Variants in PCDH15 observed in about 807,000 individuals in gnomAD.
PCDH15 encodes protocadherin related 15, also known as protocadherin-15.
PCDH15 carries 129 observed loss-of-function variants against 178.5 expected under a neutral mutation model. That is an observed-to-expected ratio of 0.72 (90% CI 0.63 to 0.84). PCDH15 has a LOEUF of 0.84. Among genes scored for constraint, PCDH15 ranks in the 40% least tolerant of loss-of-function variants. The pLI, the probability that PCDH15 is intolerant of heterozygous loss-of-function variation, is 0.00. For synonymous variants in PCDH15, 800 were observed against 732.0 expected (o/e 1.09, Z -1.50); for missense variants, 2,230 against 2,099.9 (o/e 1.06, Z -1.21).
intron 2 of PCDH15, among the ~76,000 whole-genome samples, chr10:55,127,375 T>G (rs762130168): frequency 6.6e-6 from 1 of 152,044 alleles, no homozygotes; most frequent in Non-Finnish European, 1.5e-5. Flanking sequence ...AACCAACTGG[T>G]TTATTTATGC....
At chr10:54,752,343 G>A (rs908548840) in intron 1 of PCDH15, among the ~76,000 whole-genome samples, 2 of 151,546 alleles carry the variant, frequency 1.3e-5, no homozygotes, top group African/African-American at 4.8e-5. Context: ...CGGGCGTGGT[G>A]GCGGGCGCCT....
At chr10:55,481,263 C>T (rs2210703) in intron 2 of PCDH15, among the ~76,000 whole-genome samples, 109,944 of 151,418 alleles carry the variant, frequency 0.73, 40,519 homozygotes, top group East Asian at 1. Flanking sequence ...GTCTATTTTA[C>T]TAATTTTTTT....
chr10:54,833,445 G>A (rs1953260834), intron 3 of PCDH15, among the ~76,000 whole-genome samples: 1 of 152,192 alleles, frequency 6.6e-6, no homozygotes, highest in African/African-American at 2.4e-5. Flanking sequence ...AACAGTTGAA[G>A]TTCTTAAGAA....
intron 2 of PCDH15, among the ~76,000 whole-genome samples, chr10:55,026,471 T>G (rs1253239495): frequency 2.0e-5 from 3 of 151,990 alleles, no homozygotes; most frequent in Non-Finnish European, 4.4e-5. Context: ...GGACATTGAC[T>G]TAGCTGGCTT....
intron 3 of PCDH15, among the ~76,000 whole-genome samples, chr10:54,425,095 C>T (rs1363526564): frequency 6.6e-6 from 1 of 151,182 alleles, no homozygotes; most frequent in Non-Finnish European, 1.5e-5. Flanking sequence ...CAGATGTAAA[C>T]ATCCATGCAT....
chr10:54,592,115 G>A (rs2133947272), intron 2 of PCDH15, among the ~76,000 whole-genome samples: 1 of 152,224 alleles, frequency 6.6e-6, no homozygotes, highest in African/African-American at 2.4e-5. Context: ...ACAAAACCAT[G>A]CATGGGTATT....
chr10:54,581,951 C>A (rs777174068), intron 2 of PCDH15, among the ~76,000 whole-genome samples: 1 of 152,054 alleles, frequency 6.6e-6, no homozygotes, highest in Non-Finnish European at 1.5e-5. Flanking sequence ...AAATGTAATA[C>A]TTCAAACTAT....
At chr10:54,128,114 G>T (rs1296234712) in intron 15 of PCDH15, among the ~76,000 whole-genome samples, 2 of 152,036 alleles carry the variant, frequency 1.3e-5, no homozygotes, top group Non-Finnish European at 2.9e-5. Flanking sequence ...GTTGTTCTAG[G>T]ATTACTGTGC....
At chr10:55,378,190 C>G (rs1428595337) in intron 2 of PCDH15, among the ~76,000 whole-genome samples, 2 of 152,044 alleles carry the variant, frequency 1.3e-5, no homozygotes, top group African/African-American at 4.8e-5. Flanking sequence ...ACCTGTATCC[C>G]AGAACTTAAA....
chr10:55,008,175 A>G (rs1322638627), intron 2 of PCDH15, among the ~76,000 whole-genome samples: 3 of 152,120 alleles, frequency 2.0e-5, no homozygotes, highest in East Asian at 3.9e-4. Flanking sequence ...TCAAGTCAAT[A>G]GTCTACTTGA....
rs2133091745 is a variant in PCDH15 at position 54,757,560 on chromosome 10, C to T, written c.-29+43365G>A. 5.7e-5 allele frequency among the ~76,000 whole-genome samples: 2 copies of T among 35,024 alleles called. 1 individual carries two copies. The highest frequency in any genetic ancestry group is 3.5e-4 in the African/African-American group (2 of 5,730). The allele number at this position is 35,024 out of a possible 152,430, so 23.0% of individuals were successfully genotyped here. A position where few individuals can be genotyped will look rare whatever the true frequency, so the allele number is the denominator to read the frequency against. On this transcript the variant is annotated intron_variant, in intron 1 of 37. Coordinates refer to ENST00000644397, the MANE Select transcript of PCDH15 (RefSeq NM_001384140.1). The stretch of plus-strand genomic sequence containing the variant: ...CCTCCCAAAGTGCTGGGATTACAGG[C>T]GTGAGCCACCGCGCCCGGCCAATTC...
chr10:54,463,797 A>T (rs570290038), intron 3 of PCDH15, among the ~76,000 whole-genome samples: 320 of 152,184 alleles, frequency 2.1e-3, no homozygotes, highest in Non-Finnish European at 3.8e-3. Flanking sequence ...CCAAAGCGGT[A>T]GTAGGGCTAG....
intron 2 of PCDH15, among the ~76,000 whole-genome samples, chr10:54,985,874 A>G (rs576029791): frequency 6.6e-6 from 1 of 152,216 alleles, no homozygotes; most frequent in African/African-American, 2.4e-5. Flanking sequence ...CACTTTTACC[A>G]TCTCACAACA....
At chr10:54,974,643 TTTGATCTCAG>T (rs1839021505) in intron 2 of PCDH15, among the ~76,000 whole-genome samples, 1 of 152,076 alleles carries the variant, frequency 6.6e-6, no homozygotes, top group Admixed American at 6.6e-5. Flanking sequence ...AAATGATTCT[TTTGATCTCAG>T]TAAAATAAAT....
At chr10:54,353,587 C>T (rs964008381) in intron 5 of PCDH15, among the ~76,000 whole-genome samples, 6 of 151,982 alleles carry the variant, frequency 3.9e-5, no homozygotes, top group African/African-American at 1.5e-4. Flanking sequence ...CTTAGTTTTG[C>T]CTGTTCTTGG....
intron 2 of PCDH15, chr10:54,654,824 A>C (rs2094339418): frequency 6.6e-6 from 1 of 152,178 alleles, no homozygotes; most frequent in South Asian, 2.1e-4. Context: ...CACAAAGACA[A>C]GCATCCACCT....
intron 29 of PCDH15, among the ~76,000 whole-genome samples, chr10:53,835,026 C>T (rs2077226315): frequency 6.6e-6 from 1 of 152,188 alleles, no homozygotes; most frequent in African/African-American, 2.4e-5. Flanking sequence ...GATTTTTCTG[C>T]TTAATCAAGC....
chr10:55,266,611 G>T (rs183547863), intron 1 of PCDH15, among the ~76,000 whole-genome samples: 1 of 152,134 alleles, frequency 6.6e-6, no homozygotes, highest in Admixed American at 6.5e-5. Context: ...AGACCCTTGC[G>T]GGCAGAGATT....
At chr10:55,596,796 A>C (rs1842943605) in intron 2 of PCDH15, among the ~76,000 whole-genome samples, 1 of 152,316 alleles carries the variant, frequency 6.6e-6, no homozygotes, top group South Asian at 2.1e-4. Context: ...AACAAACAAA[A>C]GCATTTTAAA....
Sources: allele counts gnomAD v4.1 joint callset (sites outside exome capture counted in the v4.1 genomes callset), GRCh38; gene constraint gnomAD v4.1.1; transcripts MANE v1.5; gene names NCBI Gene and HGNC (gene_info 2026-07-23, HGNC 2026-07-21).